SIX5: variants seen among roughly 807,000 people sequenced by gnomAD.
SIX5 encodes the protein homeobox protein SIX5.
SIX5 carries 21 observed loss-of-function variants against 37.1 expected under a neutral mutation model. That is an observed-to-expected ratio of 0.57 (90% CI 0.40 to 0.81). The LOEUF (loss-of-function observed/expected upper bound fraction) is 0.81. SIX5 is among the 40% of genes least tolerant of loss of function. The pLI, the probability that SIX5 is intolerant of heterozygous loss-of-function variation, is 0.00. For missense variants in SIX5, 1,137 were observed against 1,025.1 expected (o/e 1.11, Z -1.49); for synonymous variants, 626 against 505.9 (o/e 1.24, Z -3.19).
rs141944211 is a variant in SIX5 at position 45,768,113 on chromosome 19, C to T, written c.732G>A (p.Gln244=). ...LATLTGLSLT[Q]VSNWFKNRRQ... ...GCCGGTTCTTGAACCAGTTGCTGAC[C>T]TGCGTGAGCGACAGGCCGGTGAGTG... The change falls in exon 1 of 3, where the codon CAG becomes CAA. Residue 244 remains glutamine, a synonymous_variant. Coordinates refer to ENST00000317578, the MANE Select transcript of SIX5 (RefSeq NM_175875.5). The T allele has an allele frequency of 3.8e-3, 6,054 of 1,607,614 alleles. 17 individuals are homozygous for T. Among genetic ancestry groups the T allele is most frequent in the Admixed American group, 4.5e-3 (272 of 59,924 alleles).
rs1218284769 is a variant in SIX5, at chr19:45,766,119, G to A, written c.1610-8C>T. The A allele has an allele frequency of 6.2e-7, 1 of 1,610,206 alleles. No individual in the cohort carries two copies. Among genetic ancestry groups the A allele is most frequent in the Non-Finnish European group, 8.5e-7 (1 of 1,178,552 alleles). On this transcript the variant is annotated splice_region_variant and splice_polypyrimidine_tract_variant and intron_variant, in intron 2 of 2. Coordinates refer to ENST00000317578, the MANE Select transcript of SIX5 (RefSeq NM_175875.5). ...TGGCCAGGAGGAAGTTTCCTGTGGGGAGAGAGGGACCGAGCGCAGGTGAGA... is the reference window on the plus strand; with the variant it reads ...TGGCCAGGAGGAAGTTTCCTGTGGGAAGAGAGGGACCGAGCGCAGGTGAGA...
In SIX5 at chr19:45,767,158, G is replaced by A. The variant is rs1969095587; in HGVS notation, c.804-3C>T. 6.2e-7 allele frequency: 1 copy of A among 1,611,444 alleles called. No individual in the cohort carries two copies. Among genetic ancestry groups the A allele is most frequent in the Admixed American group, 1.7e-5 (1 of 59,956 alleles). On this transcript the variant is annotated splice_polypyrimidine_tract_variant and splice_region_variant and intron_variant, in intron 1 of 2. Coordinates refer to ENST00000317578, the MANE Select transcript of SIX5 (RefSeq NM_175875.5). Reference sequence around the variant, plus strand: ...TCGTGGGATTCCCATCAGACTCGCTGGCCGGAGAAATGGCTGTCAGCTGGG... The same window carrying A: ...TCGTGGGATTCCCATCAGACTCGCTAGCCGGAGAAATGGCTGTCAGCTGGG...
At position 45,765,570 on chromosome 19, in the gene SIX5, C is replaced by A. The variant is rs758485052; in HGVS notation, c.2151G>T (p.Gly717=). ...TCAGAACCTTGGCCTCAGCTTCCAA[C>A]CCCTCGTCAACCTCACCCCCTGCGG... is the stretch of plus-strand genomic sequence containing the variant. ...GATAGGEVDE[G]LEAEAKVLTQ... Residue 717 remains glycine (G), a synonymous_variant, in exon 3 of 3, where the codon GGG becomes GGT. Transcript: ENST00000317578. 6.2e-7 allele frequency: 1 copy of A among 1,613,398 alleles called. No individual in the cohort carries two copies. Among genetic ancestry groups the A allele is most frequent in the East Asian group, 2.2e-5 (1 of 44,882 alleles).
At position 45,765,391 on chromosome 19, in the gene SIX5, G is replaced by T; in HGVS notation, c.*110C>A. 1 of 1,496,872 alleles carries T rather than the reference G, an allele frequency of 6.7e-7. No individual in the cohort carries two copies. The highest frequency in any genetic ancestry group is 9.2e-7 in the Non-Finnish European group (1 of 1,081,612). 92.7% of individuals were successfully genotyped at this position (1,496,872 alleles called of 1,614,324 possible). Reference sequence around the variant, plus strand: ...CTTGGAGAGGCCACCCAGGCAGAAGGATGTGGTGACTGGGGTCTTCAGCAA... The same window carrying T: ...CTTGGAGAGGCCACCCAGGCAGAAGTATGTGGTGACTGGGGTCTTCAGCAA... On this transcript the variant is annotated 3_prime_UTR_variant, in exon 3 of 3. Coordinates refer to ENST00000317578, the MANE Select transcript of SIX5 (RefSeq NM_175875.5).
chr19:45,766,826 C>T lies in SIX5; in HGVS notation c.1133G>A (p.Ser378Asn). ...PPPQPSPQGASETKTSLVLDP... is the reference protein window; with the variant it reads ...PPPQPSPQGANETKTSLVLDP... ...CAGGACCAGAGAGGTCTTGGTCTCGCTGGCCCCCTGAGGGCTGGGCTGCGG... is the reference window on the plus strand; with the variant it reads ...CAGGACCAGAGAGGTCTTGGTCTCGTTGGCCCCCTGAGGGCTGGGCTGCGG... The change falls in exon 2 of 3, where the codon AGC (serine) becomes AAC (asparagine). Residue 378 changes from serine (S) to asparagine (N), a missense_variant. By Grantham distance (46) the Ser-to-Asn change is conservative (BLOSUM62 1). Coordinates refer to ENST00000317578, the MANE Select transcript of SIX5 (RefSeq NM_175875.5). 6.4e-7 allele frequency: 1 copy of T among 1,551,232 alleles called. No individual in the cohort carries two copies. Among genetic ancestry groups the T allele is most frequent in the East Asian group, 2.4e-5 (1 of 41,366 alleles).
In SIX5 at chr19:45,766,753, G is replaced by T. The variant is rs1291994183; in HGVS notation, c.1206C>A (p.Ala402=). Residue 402 remains alanine, a synonymous_variant, in exon 2 of 3, where the codon GCC becomes GCA. Coordinates refer to ENST00000317578, the MANE Select transcript of SIX5 (RefSeq NM_175875.5). The part of the protein sequence containing the change: ...EVRLEEAQSE[A]PETKGAQVAA... ...CCACCTGGGCCCCTTTGGTCTCAGG[G>T]GCCTCCGACTGAGCCTCCTCCAGCC... is the stretch of plus-strand genomic sequence containing the variant. The T allele has an allele frequency of 6.3e-7, 1 of 1,580,668 alleles. No individual in the cohort carries two copies.
Position 45,766,320 on chromosome 19 carries a change from C to T in SIX5, c.1609+30G>A, listed in dbSNP as rs116744979. On this transcript the variant is annotated intron_variant, in intron 2 of 2. Transcript: ENST00000317578. ...TGACTGCACCCCTCCCCGGCTCTCA[C>T]CTAGGCCTGAGGGAGGGAGATGGGG... 6.1e-4 allele frequency: 955 copies of T among 1,554,088 alleles called. 6 individuals carry two copies. In the African/African-American group the frequency reaches 0.012, roughly 19 times the overall value.
In SIX5 at chr19:45,768,071, G is replaced by C. The variant is rs760968885; in HGVS notation, c.774C>G (p.Thr258=). 10 of 1,599,034 alleles carry C rather than the reference G, an allele frequency of 6.3e-6. No individual in the cohort carries two copies. Among genetic ancestry groups the C allele is most frequent in the African/African-American group, 4.0e-5 (3 of 74,796 alleles). The change falls in exon 1 of 3, where the codon ACC becomes ACG. Residue 258 remains threonine, a synonymous_variant. Transcript: ENST00000317578. Reference sequence around the variant, plus strand: ...TGCAGGGCGCGCCGCCTCCGGCCCCGGTCCGGTCGCGCTGTCGCCGGTTCT... The same window carrying C: ...TGCAGGGCGCGCCGCCTCCGGCCCCCGTCCGGTCGCGCTGTCGCCGGTTCT... ...WFKNRRQRDR[T]GAGGGAPCKS... is the part of the protein sequence containing the mutation.
chr19:45,767,207 C>G (rs764253246), intron 1 of SIX5, 52 bp from the exon 2 acceptor site: 2 of 1,569,268 alleles, frequency 1.3e-6, no homozygotes, highest in Non-Finnish European at 1.7e-6. Context: ...TGGGGCCTCC[C>G]GCATAGCCAG....
At position 45,766,088 on chromosome 19, in the gene SIX5, C is replaced by T. The variant is rs1202389605; in HGVS notation, c.1633G>A (p.Val545Met). ...CCCGTCACGATGGGGCTGCCAGACA[C>T]AGGGTTGGCCAGGAGGAAGTTTCCT... ...APGNFLLANP[V>M]SGSPIVTGVA... The change falls in exon 3 of 3, where the codon GTG (valine) becomes ATG (methionine). Residue 545 changes from valine to methionine, a missense_variant. Physicochemically the swap from Val to Met is conservative, Grantham distance 21. This residue lies in a region of SIX5 where 787 missense variants were observed against 621.4 expected (regional missense o/e 1.27). Transcript: ENST00000317578. 1.2e-6 allele frequency: 2 copies of T among 1,611,624 alleles called. No individual in the cohort carries two copies. The highest frequency in any genetic ancestry group is 2.2e-5 in the East Asian group (1 of 44,856).
In SIX5 at chr19:45,766,130, C is replaced by T. The variant is rs374357739; in HGVS notation, c.1610-19G>A. Reference sequence around the variant, plus strand: ...AAGTTTCCTGTGGGGAGAGAGGGACCGAGCGCAGGTGAGAGCCAGGAGAGC... The same window carrying T: ...AAGTTTCCTGTGGGGAGAGAGGGACTGAGCGCAGGTGAGAGCCAGGAGAGC... On this transcript the variant is annotated intron_variant, in intron 2 of 2. Coordinates refer to ENST00000317578, the MANE Select transcript of SIX5 (RefSeq NM_175875.5). 100 of 1,606,876 alleles carry T rather than the reference C, an allele frequency of 6.2e-5. No individual in the cohort carries two copies. The highest frequency in any genetic ancestry group is 2.6e-4 in the South Asian group (23 of 89,896).
chr19:45,765,211 G>A lies in SIX5; in HGVS notation c.*290C>T. 1 of 537,282 alleles carries A rather than the reference G, an allele frequency of 1.9e-6. No homozygotes were observed. The highest frequency in any genetic ancestry group is 2.0e-5 in the South Asian group (1 of 49,140). The allele number at this position is 537,282 out of a possible 1,614,324, so 33.3% of individuals were successfully genotyped here. ...TTCCGCTTACAGCTAGTACCAAGTG[G>A]AGGGGGCAGGGCCCCTGAGTCAGGA... is the stretch of plus-strand genomic sequence containing the variant. On this transcript the variant is annotated 3_prime_UTR_variant, in exon 3 of 3. Transcript: ENST00000317578.
chr19:45,765,526 G>A lies in SIX5; in HGVS notation c.2195C>T (p.Pro732Leu). Reference protein sequence around the residue: ...AKVLTQLQSVPVEEPLEL With the variant: ...AKVLTQLQSVLVEEPLEL Reference sequence around the variant, plus strand: ...TCACAGTTCCAAGGGCTCCTCCACAGGCACCGACTGGAGCTGGGTCAGAAC... The same window carrying A: ...TCACAGTTCCAAGGGCTCCTCCACAAGCACCGACTGGAGCTGGGTCAGAAC... Residue 732 changes from proline to leucine, a missense_variant, in exon 3 of 3, where the codon CCT (proline) becomes CTT (leucine). Around this residue, in one of 3 missense-constraint regions of SIX5, gnomAD observed 787 missense variants for 621.4 expected, o/e 1.27. Coordinates refer to ENST00000317578, the MANE Select transcript of SIX5 (RefSeq NM_175875.5). 1 of 1,613,456 alleles carries A rather than the reference G, an allele frequency of 6.2e-7. No individual in the cohort carries two copies. The highest frequency in any genetic ancestry group is 8.5e-7 in the Non-Finnish European group (1 of 1,180,016).
rs1163206915 is a variant in SIX5, at chr19:45,765,761, C to T, written c.1960G>A (p.Gly654Arg). ...ACGGCCGCGGGTGACAACATCAGCC[C>T]CTCTGGTGGGGGCGCCGGGAAGTTG... The part of the protein sequence containing the change: ...LPNFPAPPPE[G>R]LMLSPAAVPV... The change falls in exon 3 of 3, where the codon GGG (glycine) becomes AGG (arginine). Residue 654 changes from glycine to arginine, a missense_variant. By Grantham distance (125) the Gly-to-Arg change is moderately radical. Around this residue, in one of 3 missense-constraint regions of SIX5, gnomAD observed 787 missense variants for 621.4 expected, o/e 1.27. Transcript: ENST00000317578. The T allele has an allele frequency of 2.5e-6, 4 of 1,610,406 alleles. No individual in the cohort carries two copies. The highest frequency in any genetic ancestry group is 4.5e-5 in the East Asian group (2 of 44,874).
Position 45,766,864 on chromosome 19 carries a change from C to G in SIX5, c.1095G>C (p.Gly365=). 6.5e-7 allele frequency: 1 copy of G among 1,544,132 alleles called. No individual in the cohort carries two copies. The change falls in exon 2 of 3, where the codon GGG becomes GGC. Residue 365 remains glycine (G), a synonymous_variant. Coordinates refer to ENST00000317578, the MANE Select transcript of SIX5 (RefSeq NM_175875.5). ...SLGPLLLTGG[G]GAPPPQPSPQ... ...GGCTGGGCTGCGGTGGAGGGGCACC[C>G]CCGCCCCCAGTGAGCAGCAGCGGGC...
At chr19:45,766,288 TC>T in intron 2 of SIX5, 61 bp downstream of exon 2, 1 of 1,514,338 alleles carries the variant, frequency 6.6e-7, no homozygotes, top group Non-Finnish European at 8.9e-7. Context: ...CCCCTCCCTC[TC>T]CGAGATGACT....
In SIX5 at chr19:45,769,086, C is replaced by T. The variant is rs1346308684; in HGVS notation, c.-242G>A. On this transcript the variant is annotated 5_prime_UTR_variant, in exon 1 of 3. Transcript: ENST00000317578. ...GATTCTCCCTTTGTTTTCCCTCCGCCTCTGGCCGCGCTTTCTGCCTCCCCC... is the reference window on the plus strand; with the variant it reads ...GATTCTCCCTTTGTTTTCCCTCCGCTTCTGGCCGCGCTTTCTGCCTCCCCC... 1.8e-5 allele frequency: 9 copies of T among 501,344 alleles called. No individual in the cohort carries two copies. Among genetic ancestry groups the T allele is most frequent in the East Asian group, 3.4e-5 (1 of 29,370 alleles). The allele number at this position is 501,344 out of a possible 1,614,324, so 31.1% of individuals were successfully genotyped here.
intron 1 of SIX5, 91 bp from the exon 2 acceptor site, chr19:45,767,246 C>T (rs1969097670): frequency 6.6e-6 from 9 of 1,365,100 alleles, no homozygotes; most frequent in South Asian, 1.2e-5. Flanking sequence ...TTCCCTGGCC[C>T]AAGTTTCGGT....
chr19:45,768,217 C>A lies in SIX5; in HGVS notation c.628G>T (p.Glu210Ter), dbSNP rs368394856. ...GCCTTGAGCGCTGCGCGGGAGCGCT[C>A]CTTGAAGCAGTAGACTGTCTCCTCG... ...DGEETVYCFK[E>*]RSRAALKACY... The change falls in exon 1 of 3, where the codon GAG (glutamate) becomes TAG (stop). Residue 210 changes from glutamate to a stop codon, truncating the protein, a stop_gained. Transcript: ENST00000317578. LOFTEE classifies it high-confidence loss of function. 1.2e-6 allele frequency: 2 copies of A among 1,613,104 alleles called. No homozygotes were observed.
Sources: allele counts gnomAD v4.1 joint callset, GRCh38; gene constraint gnomAD v4.1.1; regional missense constraint gnomAD v4.1.1; transcripts MANE v1.5; gene names NCBI Gene and HGNC (gene_info 2026-07-23, HGNC 2026-07-21).